The following RAB31 variants were observed in gnomAD, a reference collection of about 807,000 sequenced individuals.
RAB31 encodes the protein RAB31, member RAS oncogene family.
RAB31 carries 21 observed loss-of-function variants against 25.6 expected under a neutral mutation model. The ratio of observed to expected loss-of-function variants is 0.82; its 90% CI spans 0.58 to 1.18. The LOEUF is 1.18. RAB31 is among the 50% of genes most tolerant of loss of function. RAB31 has a pLI of 0.00. For missense variants in RAB31, 196 were observed against 250.1 expected, an observed-to-expected ratio of 0.78 and a Z score of 1.46; for synonymous variants, 87 against 84.0, an observed-to-expected ratio of 1.04 and a Z score of -0.20.
intron 1 of RAB31, among the ~76,000 whole-genome samples, chr18:9,730,083 T>A (rs1377488431): frequency 6.6e-6 from 1 of 152,252 alleles, no homozygotes; most frequent in East Asian, 1.9e-4. Context: ...TCTGAGCCAT[T>A]CAGATACAAC....
At chr18:9,715,148 T>G (rs1021771903) in intron 1 of RAB31, among the ~76,000 whole-genome samples, 1 of 151,958 alleles carries the variant, frequency 6.6e-6, no homozygotes, top group Non-Finnish European at 1.5e-5. Flanking sequence ...GTTGCATGTA[T>G]AGTGGGATAT....
At chr18:9,782,986 A>G (rs576373951) in intron 2 of RAB31, among the ~76,000 whole-genome samples, 99 of 152,336 alleles carry the variant, frequency 6.5e-4, no homozygotes, top group African/African-American at 2.3e-3. Flanking sequence ...AAAACCAACA[A>G]CAAATCTCAG....
At chr18:9,748,708 T>C (rs2068218588) in intron 1 of RAB31, among the ~76,000 whole-genome samples, 1 of 151,868 alleles carries the variant, frequency 6.6e-6, no homozygotes, top group Non-Finnish European at 1.5e-5. Context: ...CTGGCCAATA[T>C]GGTAAAACCC....
chr18:9,804,116 C>T (rs1230351370), intron 3 of RAB31, among the ~76,000 whole-genome samples: 3 of 152,236 alleles, frequency 2.0e-5, no homozygotes, highest in African/African-American at 7.2e-5. Flanking sequence ...CTCAGAGCTG[C>T]GTGGACAGGC....
At chr18:9,841,700 G>A (rs1338035194) in intron 5 of RAB31, among the ~76,000 whole-genome samples, 1 of 152,152 alleles carries the variant, frequency 6.6e-6, no homozygotes, top group Non-Finnish European at 1.5e-5. Flanking sequence ...AGGAACAGTA[G>A]CCTGCTAGTC....
At position 9,818,012 on chromosome 18, in the gene RAB31, C is replaced by T. The variant is rs184044024; in HGVS notation, c.380+2790C>T. ...TCCTCTTGTTTGGCCTCAGTGAGGT[C>T]GGAATGTGGCTCCTCAAGATCCTGC... is the stretch of plus-strand genomic sequence containing the variant. On this transcript the variant is annotated intron_variant, in intron 5 of 6. Transcript: ENST00000578921. Among the ~76,000 whole-genome samples the T allele has an allele frequency of 1.1e-3, 166 of 152,210 alleles. 1 individual carries two copies. The highest frequency in any genetic ancestry group is 5.7e-4 in the Non-Finnish European group (39 of 68,016).
At chr18:9,816,941 A>G (rs2068601828) in intron 5 of RAB31, among the ~76,000 whole-genome samples, 1 of 152,238 alleles carries the variant, frequency 6.6e-6, no homozygotes, top group Non-Finnish European at 1.5e-5. Context: ...CTCTTAACAT[A>G]GCATTTAACG....
At chr18:9,808,677 C>A (rs2068554572) in intron 3 of RAB31, among the ~76,000 whole-genome samples, 1 of 152,182 alleles carries the variant, frequency 6.6e-6, no homozygotes, top group Admixed American at 6.5e-5. Flanking sequence ...TTATGGTGGC[C>A]TTGCACCTGA....
chr18:9,830,708 G>C (rs536639844), intron 5 of RAB31: 4 of 151,950 alleles, frequency 2.6e-5, no homozygotes, highest in African/African-American at 4.8e-5. Context: ...GTTTATTTTG[G>C]GGGGAAGAGC....
intron 1 of RAB31, among the ~76,000 whole-genome samples, chr18:9,729,852 C>T (rs1054670195): frequency 2.6e-5 from 4 of 152,012 alleles, no homozygotes; most frequent in Admixed American, 1.3e-4. Context: ...CAGTAGTGTC[C>T]GAATTATGAA....
intron 6 of RAB31, among the ~76,000 whole-genome samples, chr18:9,848,475 C>T (rs1209083940): frequency 6.6e-6 from 1 of 152,318 alleles, no homozygotes; most frequent in Admixed American, 6.5e-5. Flanking sequence ...GGATCTTTTG[C>T]CTCTTTTCTC....
intron 5 of RAB31, among the ~76,000 whole-genome samples, chr18:9,827,869 G>T (rs1840524662): frequency 6.6e-6 from 1 of 152,118 alleles, no homozygotes; most frequent in South Asian, 2.1e-4. Context: ...TTCTATTTGG[G>T]CAGCCAAGAA....
At chr18:9,713,299 T>C (rs1160467900) in intron 1 of RAB31, among the ~76,000 whole-genome samples, 1 of 152,162 alleles carries the variant, frequency 6.6e-6, no homozygotes, top group Non-Finnish European at 1.5e-5. Context: ...CTGGCATTTC[T>C]TGGGGAAGGG....
At chr18:9,721,164 A>T (rs1333721105) in intron 1 of RAB31, among the ~76,000 whole-genome samples, 1 of 152,140 alleles carries the variant, frequency 6.6e-6, no homozygotes, top group Non-Finnish European at 1.5e-5. Context: ...TGTGTGTGGC[A>T]TATCTGTTTT....
intron 1 of RAB31, among the ~76,000 whole-genome samples, chr18:9,754,469 G>C (rs146668729): frequency 2.0e-5 from 3 of 151,956 alleles, no homozygotes; most frequent in African/African-American, 7.3e-5. Context: ...TAGTAGAGAC[G>C]GGGTTTCACC....
intron 1 of RAB31, among the ~76,000 whole-genome samples, chr18:9,760,544 G>A (rs889156200): frequency 1.2e-4 from 18 of 152,036 alleles, no homozygotes; most frequent in African/African-American, 4.3e-4. Context: ...AGTCTTCCCT[G>A]CATTTCAAAT....
chr18:9,764,603 C>T (rs576274691), intron 1 of RAB31, among the ~76,000 whole-genome samples: 4 of 152,214 alleles, frequency 2.6e-5, no homozygotes, highest in Non-Finnish European at 5.9e-5. Context: ...CTCCCATTTG[C>T]ACCATCGAAT....
At chr18:9,739,212 C>T (rs191179115) in intron 1 of RAB31, among the ~76,000 whole-genome samples, 6 of 152,316 alleles carry the variant, frequency 3.9e-5, no homozygotes, top group Non-Finnish European at 8.8e-5. Flanking sequence ...CGGTGGCTTA[C>T]GCCCGTAATC....
At chr18:9,839,807 T>C (rs1254522279) in intron 5 of RAB31, among the ~76,000 whole-genome samples, 1 of 152,180 alleles carries the variant, frequency 6.6e-6, no homozygotes, top group Non-Finnish European at 1.5e-5. Flanking sequence ...TGCAGGACAG[T>C]GTCCACCGTG....
Sources: allele counts gnomAD v4.1 joint callset (sites outside exome capture counted in the v4.1 genomes callset), GRCh38; gene constraint gnomAD v4.1.1; transcripts MANE v1.5; gene names NCBI Gene and HGNC (gene_info 2026-07-23, HGNC 2026-07-21).